The following ROR1 variants were observed in gnomAD, a reference collection of about 807,000 sequenced individuals.
The protein encoded by ROR1 is inactive tyrosine-protein kinase transmembrane receptor ROR1.
In ROR1, 19 loss-of-function variants were observed where a neutral mutation model predicts 78.8. That is an observed-to-expected ratio of 0.24 (90% CI 0.17 to 0.35). ROR1 has a LOEUF of 0.35. Ranked by LOEUF, ROR1 falls within the 10% of genes least tolerant of loss-of-function variation. ROR1 has a pLI of 1.00. For missense variants in ROR1, 917 were observed against 1,177.8 expected (o/e 0.78, Z 3.24); for synonymous variants, 386 against 433.6 (o/e 0.89, Z 1.36).
intron 1 of ROR1, among the ~76,000 whole-genome samples, chr1:63,811,234 A>G (rs1644858209): frequency 2.0e-5 from 3 of 152,172 alleles, no homozygotes; most frequent in Non-Finnish European, 1.5e-5. Context: ...ACACAGAGAA[A>G]GAAACATTTT....
chr1:64,120,149 A>G (rs995452211), intron 4 of ROR1, among the ~76,000 whole-genome samples: 1 of 152,190 alleles, frequency 6.6e-6, no homozygotes. Context: ...AAAGGAACCT[A>G]CTGGCTGATG....
intron 1 of ROR1, chr1:63,788,841 C>T (rs1477562244): frequency 1.9e-5 from 13 of 700,958 alleles, no homozygotes; most frequent in Non-Finnish European, 3.4e-5. Context: ...CCTGGTTAGC[C>T]AGGAGCTTCA....
intron 8 of ROR1, among the ~76,000 whole-genome samples, chr1:64,162,589 C>T (rs150799628): frequency 6.6e-6 from 1 of 151,186 alleles, no homozygotes; most frequent in Non-Finnish European, 1.5e-5. Context: ...AGCCATCTAG[C>T]TTTTTGCAGT....
At chr1:64,089,752 T>G (rs1647180464) in intron 4 of ROR1, among the ~76,000 whole-genome samples, 2 of 152,166 alleles carry the variant, frequency 1.3e-5, no homozygotes, top group South Asian at 4.2e-4. Context: ...TTATTCACAG[T>G]GGAACAGGGG....
chr1:63,857,774 G>A (rs769473364), intron 1 of ROR1, among the ~76,000 whole-genome samples: 21 of 152,158 alleles, frequency 1.4e-4, no homozygotes, highest in Admixed American at 9.2e-4. Context: ...TATTTGGTAA[G>A]CCTCTGAAGA....
intron 1 of ROR1, among the ~76,000 whole-genome samples, chr1:63,972,745 T>C (rs1291988525): frequency 6.6e-6 from 1 of 152,186 alleles, no homozygotes; most frequent in Non-Finnish European, 1.5e-5. Flanking sequence ...ATCAATACTG[T>C]CTAATGGAAG....
intron 2 of ROR1, among the ~76,000 whole-genome samples, chr1:64,047,981 G>A (rs1160346048): frequency 6.6e-6 from 1 of 152,212 alleles, no homozygotes; most frequent in African/African-American, 2.4e-5. Flanking sequence ...CCATTCATAT[G>A]TGAGACACAC....
At chr1:63,973,446 G>A (rs1646134268) in intron 1 of ROR1, among the ~76,000 whole-genome samples, 1 of 152,130 alleles carries the variant, frequency 6.6e-6, no homozygotes, top group Non-Finnish European at 1.5e-5. Flanking sequence ...GGAAGATAGA[G>A]ATTTGTAAAG....
At chr1:64,132,267 G>A (rs1467378070) in intron 4 of ROR1, among the ~76,000 whole-genome samples, 1 of 152,012 alleles carries the variant, frequency 6.6e-6, no homozygotes, top group East Asian at 1.9e-4. Flanking sequence ...ATAGTCTATT[G>A]TATGTATCTA....
chr1:64,124,250 G>A (rs1648638965), intron 4 of ROR1, among the ~76,000 whole-genome samples: 1 of 152,214 alleles, frequency 6.6e-6, no homozygotes. Context: ...AGGGTGGAAT[G>A]AGAATGCCCT....
At chr1:64,116,838 A>G (rs969528757) in intron 4 of ROR1, among the ~76,000 whole-genome samples, 3 of 152,264 alleles carry the variant, frequency 2.0e-5, no homozygotes, top group Non-Finnish European at 1.5e-5. Context: ...ACCCCAGCCT[A>G]CGGTGGATTT....
intron 1 of ROR1, among the ~76,000 whole-genome samples, chr1:63,863,486 A>T (rs1422839535): frequency 1.3e-5 from 2 of 152,104 alleles, no homozygotes; most frequent in Non-Finnish European, 2.9e-5. Context: ...CCTGGACTAG[A>T]TGTACAGAAT....
intron 4 of ROR1, among the ~76,000 whole-genome samples, chr1:64,052,853 T>TC (rs1646844230): frequency 1.3e-5 from 2 of 152,022 alleles, no homozygotes; most frequent in Admixed American, 6.5e-5. Flanking sequence ...GTACCTTTTT[T>TC]TTTTCTTTCC....
chr1:63,813,373 T>A (rs751994434), intron 1 of ROR1, among the ~76,000 whole-genome samples: 31 of 152,246 alleles, frequency 2.0e-4, no homozygotes, highest in Non-Finnish European at 5.9e-5. Context: ...ACTGGGTACC[T>A]AGCACATAGC....
At chr1:64,064,443 A>G (rs1433011134) in intron 4 of ROR1, among the ~76,000 whole-genome samples, 3 of 152,226 alleles carry the variant, frequency 2.0e-5, no homozygotes, top group Non-Finnish European at 4.4e-5. Flanking sequence ...GCAAGAAACT[A>G]TATGACACAG....
intron 1 of ROR1, among the ~76,000 whole-genome samples, chr1:63,958,600 C>A (rs1646002646): frequency 6.6e-6 from 1 of 152,150 alleles, no homozygotes; most frequent in East Asian, 1.9e-4. Flanking sequence ...GTAGCTTCCA[C>A]AATTTAAAGT....
chr1:63,909,157 T>C (rs558064926), intron 1 of ROR1, among the ~76,000 whole-genome samples: 1 of 152,148 alleles, frequency 6.6e-6, no homozygotes, highest in African/African-American at 2.4e-5. Flanking sequence ...TCCTGCCCCC[T>C]GCGCACCTGC....
intron 4 of ROR1, among the ~76,000 whole-genome samples, chr1:64,052,573 C>G (rs1472090559): frequency 1.3e-5 from 2 of 151,962 alleles, no homozygotes; most frequent in Admixed American, 1.3e-4. Context: ...GATTTTATAC[C>G]CCTGTTGTGA....
At chr1:63,932,151 C>T (rs939173086) in intron 1 of ROR1, among the ~76,000 whole-genome samples, 3 of 152,186 alleles carry the variant, frequency 2.0e-5, no homozygotes, top group Non-Finnish European at 4.4e-5. Flanking sequence ...TTATTAACCT[C>T]AGTTACTGGC....
Sources: allele counts gnomAD v4.1 joint callset (sites outside exome capture counted in the v4.1 genomes callset), GRCh38; gene constraint gnomAD v4.1.1; transcripts MANE v1.5; gene names NCBI Gene and HGNC (gene_info 2026-07-23, HGNC 2026-07-21).